The following ZNF721 variants were observed in gnomAD, a reference collection of about 807,000 sequenced individuals.
The protein encoded by ZNF721 is zinc finger protein 721.
A neutral mutation model predicts 2.4 loss-of-function variants in ZNF721; 2 were observed. The ratio of observed to expected loss-of-function variants is 0.82; its 90% confidence interval spans 0.34 to 2.58. The LOEUF is 2.58. ZNF721 is among the 30% of genes most tolerant of loss of function. The probability of loss-of-function intolerance (pLI) is 0.11; values close to 1 mark genes in which losing one functional copy is unlikely to be tolerated. For synonymous variants in ZNF721, 398 were observed against 381.8 expected (o/e 1.04, Z -0.50); for missense variants, 1,187 against 1,085.5 (o/e 1.09, Z -1.31).
At chr4:445,461 G>T (rs1293674746) in intron 2 of ZNF721, among the ~76,000 whole-genome samples, 3 of 152,012 alleles carry the variant, frequency 2.0e-5, no homozygotes, top group African/African-American at 7.3e-5. Context: ...GTGACAAATA[G>T]CTTTTTGTTA....
In ZNF721 at chr4:441,628, T is replaced by C. The variant is rs1224766964; in HGVS notation, c.*67A>G. 1 of 1,333,146 alleles carries C rather than the reference T, an allele frequency of 7.5e-7. No homozygotes were observed. The highest frequency in any genetic ancestry group is 2.6e-5 in the Admixed American group (1 of 38,882). The allele number at this position is 1,333,146 out of a possible 1,614,324, so 82.6% of individuals were successfully genotyped here. A position where few individuals can be genotyped will look rare whatever the true frequency, so the allele number is the denominator to read the frequency against. Reference sequence around the variant, plus strand: ...GACATTCGTCACCTTCGTAAGACATTCCCCTGGTATGAGTTCTCTTATGTT... The same window carrying C: ...GACATTCGTCACCTTCGTAAGACATCCCCCTGGTATGAGTTCTCTTATGTT... On this transcript the variant is annotated 3_prime_UTR_variant, in exon 3 of 3. Coordinates refer to ENST00000511833, the MANE Select transcript of ZNF721 (RefSeq NM_133474.4).
At chr4:446,866 T>C (rs906179271) in intron 2 of ZNF721, among the ~76,000 whole-genome samples, 1 of 151,812 alleles carries the variant, frequency 6.6e-6, no homozygotes, top group Non-Finnish European at 1.5e-5. Flanking sequence ...AATTTTTGCA[T>C]TTCTGGTGAA....
At position 459,471 on chromosome 4, in the gene ZNF721, C is replaced by CA. The variant is rs372562598; in HGVS notation, c.34+13103dup. Among the ~76,000 whole-genome samples, 66 of 142,868 alleles carry CA rather than the reference C, an allele frequency of 4.6e-4. 1 individual carries two copies. The highest frequency in any genetic ancestry group is 3.1e-3 in the South Asian group (14 of 4,524). 93.7% of individuals were successfully genotyped at this position (142,868 alleles called of 152,430 possible). ...GAATATTTACCAAGCAAATGGAAAGCAAAAAAAAAAGCAGCAGTTGCAATC... is the reference window on the plus strand; with the variant it reads ...GAATATTTACCAAGCAAATGGAAAGCAAAAAAAAAAAGCAGCAGTTGCAATC... On this transcript the variant is annotated intron_variant, in intron 2 of 2. Transcript: ENST00000511833.
At chr4:474,884 A>C (rs1715585726) in intron 1 of ZNF721, among the ~76,000 whole-genome samples, 1 of 151,958 alleles carries the variant, frequency 6.6e-6, no homozygotes, top group Admixed American at 6.6e-5. Context: ...TCAAAAAATA[A>C]ACAAATAAAT....
At position 443,569 on chromosome 4, in the gene ZNF721, T is replaced by C. The variant is rs1553863685; in HGVS notation, c.898A>G (p.Thr300Ala). The part of the protein sequence containing the change: ...TTLTKHRRIH[T>A]GEKPYTCEVC... ...TCACATGTGTAGGGTTTCTCTCCAGTATGAATTCTCCTATGTTTAGTAAGG... is the reference window on the plus strand; with the variant it reads ...TCACATGTGTAGGGTTTCTCTCCAGCATGAATTCTCCTATGTTTAGTAAGG... The change falls in exon 3 of 3, where the codon ACT becomes GCT. Residue 300 changes from threonine (T) to alanine (A), a missense_variant. Thr to Ala is a moderately conservative substitution (Grantham distance 58). Transcript: ENST00000511833. 2 of 1,614,000 alleles carry C rather than the reference T, an allele frequency of 1.2e-6. No homozygotes were observed. Among genetic ancestry groups the C allele is most frequent in the Non-Finnish European group, 8.5e-7 (1 of 1,179,932 alleles).
At chr4:480,654 G>C (rs1227047537) in intron 1 of ZNF721, among the ~76,000 whole-genome samples, 2 of 152,056 alleles carry the variant, frequency 1.3e-5, no homozygotes, top group East Asian at 3.8e-4. Context: ...TATGAGCTTT[G>C]TCACTTTGTT....
At chr4:492,791 C>CA (rs201247673) in intron 1 of ZNF721, among the ~76,000 whole-genome samples, 1,589 of 129,194 alleles carry the variant, frequency 0.012, 12 homozygotes, top group African/African-American at 0.033. Flanking sequence ...GCCTTCTTAC[C>CA]AAAAAAAAAA....
At position 458,299 on chromosome 4, in the gene ZNF721, A is replaced by T. The variant is rs537524643; in HGVS notation, c.35-13867T>A. 3.3e-5 allele frequency among the ~76,000 whole-genome samples: 5 copies of T among 152,330 alleles called. No homozygotes were observed. In the East Asian group the frequency reaches 9.7e-4, roughly 29 times the overall value. On this transcript the variant is annotated intron_variant, in intron 2 of 2. Transcript: ENST00000511833. The stretch of plus-strand genomic sequence containing the variant: ...CAGATAACAGGTCTCCCAAGCATGA[A>T]TTTCACTGCAGACCCAGTAGGACTT...
chr4:469,784 A>C (rs1715374164), intron 2 of ZNF721, among the ~76,000 whole-genome samples: 1 of 152,244 alleles, frequency 6.6e-6, no homozygotes, highest in African/African-American at 2.4e-5. Flanking sequence ...TACAAGGTCA[A>C]CGAATTTTGG....
chr4:470,990 C>T (rs1228578273), intron 2 of ZNF721, among the ~76,000 whole-genome samples: 2 of 148,916 alleles, frequency 1.3e-5, no homozygotes, highest in Non-Finnish European at 3.0e-5. Flanking sequence ...CAGAGGAAGA[C>T]TCTGTCTCAA....
At position 443,432 on chromosome 4, in the gene ZNF721, GGACT is replaced by G; in HGVS notation, c.1031_1034del (p.Gln344ProfsTer32). On this transcript the variant is annotated frameshift_variant, in exon 3 of 3. Transcript: ENST00000511833. LOFTEE classifies it low-confidence loss of function (END_TRUNC). ...TTCTCCTATGTACGTAAAGGTTTGC[GGACT>G]GTCTAAAGGTTTTGCCACATTCTCC... 1 of 1,613,708 alleles carries G rather than the reference GGACT, an allele frequency of 6.2e-7. No individual in the cohort carries two copies. Among genetic ancestry groups the G allele is most frequent in the East Asian group, 2.2e-5 (1 of 44,848 alleles).
At chr4:496,626 CA>C (rs35646684) in intron 1 of ZNF721, among the ~76,000 whole-genome samples, 3 of 141,328 alleles carry the variant, frequency 2.1e-5, no homozygotes, top group South Asian at 4.6e-4. Flanking sequence ...CCAAAACACA[CA>C]AAAAAAACCC....
rs78376594 is a variant in ZNF721 at position 498,731 on chromosome 4, T to C, written c.-94+325A>G. ...GAGGTATTGGGTTGAATTTTCTTTT[T>C]TTTTTTTTTTTTGAGACGCAGTCTC... is the stretch of plus-strand genomic sequence containing the variant. On this transcript the variant is annotated intron_variant, in intron 1 of 2. Transcript: ENST00000511833. Among the ~76,000 whole-genome samples the C allele has an allele frequency of 3.9e-3, 575 of 148,094 alleles. 2 individuals carry two copies. The highest frequency in any genetic ancestry group is 6.0e-3 in the Non-Finnish European group (404 of 67,236).
At chr4:469,696 A>T (rs529704378) in intron 2 of ZNF721, among the ~76,000 whole-genome samples, 1 of 152,322 alleles carries the variant, frequency 6.6e-6, no homozygotes, top group African/African-American at 2.4e-5. Flanking sequence ...TGTAGTAAGC[A>T]AAAGAGTATG....
intron 2 of ZNF721, among the ~76,000 whole-genome samples, chr4:464,526 G>T (rs1379023050): frequency 1.1e-4 from 16 of 147,636 alleles, no homozygotes; most frequent in Non-Finnish European, 1.5e-5. Flanking sequence ...AGAAAAAAAT[G>T]AAAGAGTGAA....
chr4:488,584 C>A (rs547282088), intron 1 of ZNF721, among the ~76,000 whole-genome samples: 4 of 152,290 alleles, frequency 2.6e-5, no homozygotes, highest in Admixed American at 1.3e-4. Context: ...GTGATCCCAG[C>A]ACTTTGGGAG....
At chr4:472,520 T>C (rs1314626456) in intron 2 of ZNF721, 55 bp downstream of exon 2, 6 of 1,557,128 alleles carry the variant, frequency 3.9e-6, no homozygotes, top group East Asian at 2.3e-5. Context: ...TCTACAAAAA[T>C]AGAAAATAAA....
Position 442,332 on chromosome 4 carries a change from A to G in ZNF721, c.2135T>C (p.Leu712Pro), listed in dbSNP as rs1333991106. ...AGTGTGAACTCTCCTATGTGTAGTAAGGTTTCTTGACCTACTAAAGGCTTT... is the reference window on the plus strand; with the variant it reads ...AGTGTGAACTCTCCTATGTGTAGTAGGGTTTCTTGACCTACTAAAGGCTTT... ...CGKAFSRSRN[L>P]TTHRRVHTRE... Residue 712 changes from leucine (L) to proline (P), a missense_variant, in exon 3 of 3, where the codon CTT becomes CCT. Transcript: ENST00000511833. The G allele has an allele frequency of 6.2e-7, 1 of 1,613,812 alleles. No individual in the cohort carries two copies. Among genetic ancestry groups the G allele is most frequent in the Non-Finnish European group, 8.5e-7 (1 of 1,179,878 alleles).
In ZNF721 at chr4:442,088, G is replaced by A. The variant is rs782191131; in HGVS notation, c.2379C>T (p.Ser793=). ...TCCTCTTATGTTTAGCAAAGCTTGA[G>A]GATGACGTAATGACTTTGCCACATT... The part of the protein sequence containing the change: ...CKECGKVITS[S]SSFAKHKRIH... Residue 793 remains serine, a synonymous_variant, in exon 3 of 3, where the codon TCC becomes TCT. Transcript: ENST00000511833. 5 of 1,613,706 alleles carry A rather than the reference G, an allele frequency of 3.1e-6. No individual in the cohort carries two copies. The highest frequency in any genetic ancestry group is 4.2e-6 in the Non-Finnish European group (5 of 1,179,804).
Sources: gnomAD v4.1 joint callset for allele counts (sites outside exome capture counted in the v4.1 genomes callset) on GRCh38, gnomAD v4.1.1 for gene constraint, MANE v1.5 for transcripts, NCBI Gene and HGNC (gene_info 2026-07-23, HGNC 2026-07-21) for gene names.